The following FAM78B variants were observed in gnomAD, a reference collection of about 807,000 sequenced individuals.
FAM78B encodes the protein family with sequence similarity 78 member B.
A neutral mutation model predicts 20.0 loss-of-function variants in FAM78B; 10 were observed. That is an observed-to-expected ratio of 0.50 (90% CI 0.31 to 0.85). The LOEUF is 0.85. Among genes scored for constraint, FAM78B ranks in the 40% least tolerant of loss-of-function variants. The pLI is 0.05. For synonymous variants in FAM78B, 135 were observed against 132.8 expected (o/e 1.02, Z -0.12); for missense variants, 283 against 345.0 (o/e 0.82, Z 1.42).
At chr1:166,127,229 C>G (rs1292588421) in intron 1 of FAM78B, among the ~76,000 whole-genome samples, 1 of 152,168 alleles carries the variant, frequency 6.6e-6, no homozygotes, top group Non-Finnish European at 1.5e-5. Flanking sequence ...CATTTCCTAC[C>G]ACTTCCCCAG....
At chr1:166,086,504 G>A (rs4072267) in intron 1 of FAM78B, among the ~76,000 whole-genome samples, 5 of 152,150 alleles carry the variant, frequency 3.3e-5, no homozygotes, top group Non-Finnish European at 5.9e-5. Context: ...TCATGAAAGC[G>A]GGGCAGAGGG....
intron 1 of FAM78B, among the ~76,000 whole-genome samples, chr1:166,114,301 C>T (rs1654177347): frequency 6.6e-6 from 1 of 152,150 alleles, no homozygotes; most frequent in Non-Finnish European, 1.5e-5. Flanking sequence ...AAGGAGGGTG[C>T]CCTGGGTCAT....
At chr1:166,081,446 T>C (rs1481575184) in intron 1 of FAM78B, among the ~76,000 whole-genome samples, 1 of 152,142 alleles carries the variant, frequency 6.6e-6, no homozygotes, top group East Asian at 1.9e-4. Context: ...CTGAAAATGG[T>C]TGACTTCCGA....
chr1:166,131,039 T>C (rs956509132), intron 1 of FAM78B, among the ~76,000 whole-genome samples: 3 of 148,804 alleles, frequency 2.0e-5, no homozygotes, highest in Admixed American at 6.8e-5. Context: ...TTGCCCAGGC[T>C]AGAGTGCAGT....
At chr1:166,130,562 A>T (rs947887208) in intron 1 of FAM78B, among the ~76,000 whole-genome samples, 10 of 152,210 alleles carry the variant, frequency 6.6e-5, no homozygotes, top group African/African-American at 2.4e-4. Context: ...TTTAGTGGGT[A>T]GAGGCTAGGT....
chr1:166,086,851 G>A (rs1378456091), intron 1 of FAM78B, among the ~76,000 whole-genome samples: 1 of 152,088 alleles, frequency 6.6e-6, no homozygotes, highest in East Asian at 1.9e-4. Flanking sequence ...GTGGACAGAG[G>A]AATTCACATG....
chr1:166,094,753 G>A (rs1211107420), intron 1 of FAM78B, among the ~76,000 whole-genome samples: 3 of 152,200 alleles, frequency 2.0e-5, no homozygotes, highest in African/African-American at 7.2e-5. Flanking sequence ...AGGACATCTG[G>A]ATACCAAGTG....
intron 1 of FAM78B, among the ~76,000 whole-genome samples, chr1:166,148,850 T>C (rs983679929): frequency 1.3e-5 from 2 of 152,260 alleles, no homozygotes; most frequent in Non-Finnish European, 2.9e-5. Context: ...TCATAAAAAT[T>C]ACATTCACTG....
chr1:166,141,676 A>G (rs950843973), intron 1 of FAM78B, among the ~76,000 whole-genome samples: 1 of 152,222 alleles, frequency 6.6e-6, no homozygotes, highest in Non-Finnish European at 1.5e-5. Flanking sequence ...GATGGGAGGT[A>G]CGTATCTATG....
At chr1:166,071,045 C>T (rs10918336) in intron 1 of FAM78B, among the ~76,000 whole-genome samples, 31,487 of 152,102 alleles carry the variant, frequency 0.21, 3,541 homozygotes, top group Non-Finnish European at 0.25. Context: ...CACAAAGAGA[C>T]ATCAACTAGT....
intron 1 of FAM78B, among the ~76,000 whole-genome samples, chr1:166,106,245 T>C (rs1010200566): frequency 6.8e-5 from 10 of 147,910 alleles, no homozygotes; most frequent in Non-Finnish European, 1.5e-4. Flanking sequence ...TTAGGAGATA[T>C]ACCTAATGTA....
chr1:166,063,255 CAG>C (rs1348382307), intron 2 of FAM78B, among the ~76,000 whole-genome samples: 9 of 152,228 alleles, frequency 5.9e-5, no homozygotes, highest in African/African-American at 2.2e-4. Context: ...ACACTCACTA[CAG>C]ACTTGTTGAC....
At chr1:166,140,337 C>T (rs1655232945) in intron 1 of FAM78B, among the ~76,000 whole-genome samples, 1 of 152,162 alleles carries the variant, frequency 6.6e-6, no homozygotes, top group African/African-American at 2.4e-5. Context: ...TTGATTGCTG[C>T]CTGGGAGGAT....
chr1:166,093,020 A>G (rs1653139982), intron 1 of FAM78B, among the ~76,000 whole-genome samples: 1 of 152,216 alleles, frequency 6.6e-6, no homozygotes, highest in Admixed American at 6.5e-5. Flanking sequence ...AAATCCACTT[A>G]TAACAACAAT....
At chr1:166,143,366 ACATGC>A (rs1655346533) in intron 1 of FAM78B, among the ~76,000 whole-genome samples, 2 of 152,070 alleles carry the variant, frequency 1.3e-5, no homozygotes, top group Admixed American at 1.3e-4. Flanking sequence ...GCTGGGAGCT[ACATGC>A]CATGTGGTGT....
chr1:166,127,418 TC>T (rs1462772677), intron 1 of FAM78B, among the ~76,000 whole-genome samples: 1 of 152,172 alleles, frequency 6.6e-6, no homozygotes, highest in Non-Finnish European at 1.5e-5. Flanking sequence ...GAAGACCACC[TC>T]CCTTTTTGTC....
At chr1:166,123,436 G>A (rs16856576) in intron 1 of FAM78B, among the ~76,000 whole-genome samples, 2,539 of 152,282 alleles carry the variant, frequency 0.017, 77 homozygotes, top group African/African-American at 0.058. Flanking sequence ...GGACAAAGAT[G>A]ACAGCCCTTC....
At chr1:166,165,437 C>T (rs1200495513) in intron 1 of FAM78B, among the ~76,000 whole-genome samples, 1 of 152,150 alleles carries the variant, frequency 6.6e-6, no homozygotes, top group Non-Finnish European at 1.5e-5. Flanking sequence ...CGCCTCCGGG[C>T]TCCCTGGCCC....
chr1:166,084,602 C>T (rs967839191), intron 1 of FAM78B, among the ~76,000 whole-genome samples: 1 of 152,168 alleles, frequency 6.6e-6, no homozygotes, highest in Non-Finnish European at 1.5e-5. Context: ...TCCCAGAATA[C>T]AGGACACCAC....
Sources: gnomAD v4.1 joint callset for allele counts (sites outside exome capture counted in the v4.1 genomes callset) on GRCh38, gnomAD v4.1.1 for gene constraint, MANE v1.5 for transcripts, NCBI Gene and HGNC (gene_info 2026-07-23, HGNC 2026-07-21) for gene names.